Variants in ABAT observed in about 807,000 individuals in gnomAD.
The protein encoded by ABAT is 4-aminobutyrate aminotransferase, mitochondrial.
ABAT carries 45 observed loss-of-function variants against 64.6 expected under a neutral mutation model. The ratio of observed to expected loss-of-function variants is 0.70; its 90% CI spans 0.55 to 0.89. The LOEUF is 0.89. Among genes scored for constraint, ABAT ranks in the 40% least tolerant of loss-of-function variants. The probability of loss-of-function intolerance (pLI) is 0.00; values close to 1 mark genes in which losing one functional copy is unlikely to be tolerated. For missense variants in ABAT, 633 were observed against 658.4 expected (o/e 0.96, Z 0.42); for synonymous variants, 297 against 250.5 (o/e 1.19, Z -1.75).
intron 1 of ABAT, among the ~76,000 whole-genome samples, chr16:8,676,545 A>C (rs1289099455): frequency 6.6e-6 from 1 of 152,186 alleles, no homozygotes; most frequent in East Asian, 1.9e-4. Flanking sequence ...GCCTCGTGGA[A>C]TCCATTCCTG....
rs188876486 is a variant in ABAT at position 8,766,578 on chromosome 16, C to A, written c.603+308C>A. 8.8e-3 allele frequency among the ~76,000 whole-genome samples: 1,334 copies of A among 152,008 alleles called. 18 individuals are homozygous for A. The highest frequency in any genetic ancestry group is 0.031 in the African/African-American group (1,279 of 41,452). On this transcript the variant is annotated intron_variant, in intron 9 of 15. Coordinates refer to ENST00000268251, the MANE Select transcript of ABAT (RefSeq NM_020686.6). ...GCTGAGGCAGGAGAATCATTTGAAC[C>A]CAGGAGGTGGAGGTTGCAGTGAGCC...
chr16:8,769,094 C>A, intron 11 of ABAT, 121 bp downstream of exon 11: 4 of 1,376,404 alleles, frequency 2.9e-6, no homozygotes, highest in South Asian at 2.4e-5. Flanking sequence ...AGTGCTCCCC[C>A]AGAGGGAAGC....
intron 6 of ABAT, chr16:8,760,268 G>T (rs972198014): frequency 2.0e-5 from 3 of 152,216 alleles, no homozygotes; most frequent in Non-Finnish European, 4.4e-5. Flanking sequence ...CCAACACGGG[G>T]TATCACTGGA....
intron 1 of ABAT, among the ~76,000 whole-genome samples, chr16:8,689,776 G>A (rs1309821826): frequency 6.6e-6 from 1 of 152,194 alleles, no homozygotes; most frequent in Non-Finnish European, 1.5e-5. Flanking sequence ...AGCATTTTGG[G>A]TGGTGGGAAC....
intron 1 of ABAT, among the ~76,000 whole-genome samples, chr16:8,714,141 G>T (rs981019859): frequency 7.9e-5 from 12 of 152,288 alleles, no homozygotes; most frequent in Admixed American, 2.0e-4. Flanking sequence ...ACAAAATAAT[G>T]AAAGATGGAT....
chr16:8,740,675 A>C (rs910480477), intron 2 of ABAT, among the ~76,000 whole-genome samples: 3 of 152,232 alleles, frequency 2.0e-5, no homozygotes, highest in Non-Finnish European at 2.9e-5. Flanking sequence ...ACGATCTGAC[A>C]TGGTGTTCCC....
chr16:8,714,651 T>G (rs1004838762), intron 1 of ABAT: 1 of 152,532 alleles, frequency 6.6e-6, no homozygotes, highest in African/African-American at 2.4e-5. Context: ...GTGTGCAAGC[T>G]GGCAGCCAGG....
Position 8,727,042 on chromosome 16 carries a change from GA to G in ABAT, c.-41-8656del, listed in dbSNP as rs550454528. Among the ~76,000 whole-genome samples the G allele has an allele frequency of 2.5e-4, 38 of 152,240 alleles. No homozygotes were observed. In the East Asian group the frequency reaches 6.9e-3, roughly 28 times the overall value. On this transcript the variant is annotated intron_variant, in intron 1 of 15. Coordinates refer to ENST00000268251, the MANE Select transcript of ABAT (RefSeq NM_020686.6). The stretch of plus-strand genomic sequence containing the variant: ...TGTCCATTTTTTGATCGAATTATGA[GA>G]TTTTTTTCTATAGAGTTGTTTGACC...
chr16:8,774,919 C>A lies in ABAT; in HGVS notation c.984C>A (p.Val328=), dbSNP rs1641022. The stretch of plus-strand genomic sequence containing the variant: ...GCTGCGCCTTCTTGGTGGACGAGGT[C>A]CAGACCGGAGGAGGCTGCACGGGCA... The part of the protein sequence containing the change: ...KHGCAFLVDE[V]QTGGGCTGKF... Residue 328 remains valine, a synonymous_variant, in exon 13 of 16, where the codon GTC becomes GTA. Coordinates refer to ENST00000268251, the MANE Select transcript of ABAT (RefSeq NM_020686.6). 658,872 of 1,613,810 alleles carry A rather than the reference C, an allele frequency of 0.41. 138,819 individuals carry two copies. The highest frequency in any genetic ancestry group is 0.43 in the Non-Finnish European group (509,164 of 1,179,902).
At chr16:8,718,283 A>G (rs560784400) in intron 1 of ABAT, among the ~76,000 whole-genome samples, 1 of 152,342 alleles carries the variant, frequency 6.6e-6, no homozygotes, top group Non-Finnish European at 1.5e-5. Flanking sequence ...TTTATGGGAA[A>G]GAAAAGAAAT....
intron 1 of ABAT, among the ~76,000 whole-genome samples, chr16:8,734,164 C>G (rs1240836488): frequency 6.6e-6 from 1 of 152,162 alleles, no homozygotes; most frequent in African/African-American, 2.4e-5. Context: ...TCACGCCTGC[C>G]CCATTGTTGC....
At chr16:8,714,176 G>A (rs1219893137) in intron 1 of ABAT, among the ~76,000 whole-genome samples, 1 of 152,184 alleles carries the variant, frequency 6.6e-6, no homozygotes, top group Non-Finnish European at 1.5e-5. Flanking sequence ...ATAAGGAATT[G>A]CTCTTATCAA....
chr16:8,711,416 G>A (rs978429869), intron 1 of ABAT, among the ~76,000 whole-genome samples: 3 of 152,162 alleles, frequency 2.0e-5, no homozygotes, highest in Non-Finnish European at 2.9e-5. Flanking sequence ...ATTCCGTGGC[G>A]TGGTGGTGAA....
In ABAT at chr16:8,710,176, G is replaced by A. The variant is rs138104207; in HGVS notation, c.-41-25523G>A. Among the ~76,000 whole-genome samples the A allele has an allele frequency of 3.9e-5, 6 of 152,226 alleles. No individual in the cohort carries two copies. In the East Asian group the frequency reaches 1.2e-3, roughly 29 times the overall value. Reference sequence around the variant, plus strand: ...GGAAGCAAAAATCCCCAGCACAAAAGCATTGTTTCAATCAATGAGATAATA... The same window carrying A: ...GGAAGCAAAAATCCCCAGCACAAAAACATTGTTTCAATCAATGAGATAATA... On this transcript the variant is annotated intron_variant, in intron 1 of 15. Coordinates refer to ENST00000268251, the MANE Select transcript of ABAT (RefSeq NM_020686.6).
intron 2 of ABAT, among the ~76,000 whole-genome samples, chr16:8,744,089 T>C (rs2059261690): frequency 6.6e-6 from 1 of 152,176 alleles, no homozygotes; most frequent in South Asian, 2.1e-4. Flanking sequence ...TTACACATTA[T>C]GTGGAAAATG....
intron 1 of ABAT, among the ~76,000 whole-genome samples, chr16:8,694,196 T>G (rs2057649295): frequency 7.4e-6 from 1 of 135,056 alleles, no homozygotes; most frequent in South Asian, 2.2e-4. Context: ...TGCCCAGATT[T>G]TTTTTTTTTT....
At chr16:8,779,015 C>T (rs903920005) in intron 14 of ABAT, among the ~76,000 whole-genome samples, 1 of 152,216 alleles carries the variant, frequency 6.6e-6, no homozygotes, top group Non-Finnish European at 1.5e-5. Flanking sequence ...TCCAGAAGAA[C>T]CACCTTTCTA....
chr16:8,694,535 G>A (rs1285839009), intron 1 of ABAT, among the ~76,000 whole-genome samples: 2 of 152,012 alleles, frequency 1.3e-5, no homozygotes, highest in Non-Finnish European at 2.9e-5. Context: ...ATGCCTCCAT[G>A]CCTGGCTACC....
chr16:8,687,828 A>G (rs1339517546), intron 1 of ABAT, among the ~76,000 whole-genome samples: 1 of 152,118 alleles, frequency 6.6e-6, no homozygotes, highest in East Asian at 1.9e-4. Context: ...AAATGGCAAC[A>G]ACAAAACTAC....
Sources: allele counts gnomAD v4.1 joint callset (sites outside exome capture counted in the v4.1 genomes callset), GRCh38; gene constraint gnomAD v4.1.1; transcripts MANE v1.5; gene names NCBI Gene and HGNC (gene_info 2026-07-23, HGNC 2026-07-21).